Variants in SCIMP observed in about 807,000 individuals in gnomAD.
SCIMP encodes the protein SLP adapter and CSK-interacting membrane protein.
A neutral mutation model predicts 22.0 loss-of-function variants in SCIMP; 18 were observed. The observed-to-expected ratio is 0.82, with a 90% confidence interval of 0.56 to 1.21. The LOEUF is 1.21. Ranked by LOEUF, SCIMP falls within the 50% of genes most tolerant of loss-of-function variation. The pLI, the probability that SCIMP is intolerant of heterozygous loss-of-function variation, is 0.00. For synonymous variants in SCIMP, 53 were observed against 62.2 expected, an observed-to-expected ratio of 0.85 and a Z score of 0.70; for missense variants, 155 against 171.2, an observed-to-expected ratio of 0.91 and a Z score of 0.53.
chr17:5,234,524 C>T (rs867291083), intron 1 of SCIMP: 2 of 599,990 alleles, frequency 3.3e-6, no homozygotes, highest in Non-Finnish European at 6.0e-6. Flanking sequence ...GAAGTGATGC[C>T]TCAGGTCACT....
At chr17:5,234,125 G>T (rs1475636652) in intron 1 of SCIMP, among the ~76,000 whole-genome samples, 2 of 152,058 alleles carry the variant, frequency 1.3e-5, no homozygotes, top group African/African-American at 2.4e-5. Flanking sequence ...ACAGAAATTA[G>T]CCAGGTGTGG....
intron 1 of SCIMP, among the ~76,000 whole-genome samples, chr17:5,231,606 C>T (rs2074694924): frequency 6.6e-6 from 1 of 152,130 alleles, no homozygotes; most frequent in Non-Finnish European, 1.5e-5. Context: ...CGATGTCCTA[C>T]TTTTCCCTCC....
chr17:5,210,783 A>C lies in SCIMP; in HGVS notation c.*18T>G. ...TGTGAACCCTCTTCAGTTTTGCCAA[A>C]AAGAAGAAATGGCTGTTTCAAAATG... On this transcript the variant is annotated 3_prime_UTR_variant, in exon 5 of 5. Coordinates refer to ENST00000574081, the MANE Select transcript of SCIMP (RefSeq NM_207103.3). The C allele has an allele frequency of 6.2e-7, 1 of 1,600,968 alleles. No individual in the cohort carries two copies. Among genetic ancestry groups the C allele is most frequent in the Non-Finnish European group, 8.5e-7 (1 of 1,176,364 alleles).
Position 5,209,196 on chromosome 17 carries a change from A to C in SCIMP, c.*1605T>G, listed in dbSNP as rs1356313177. The C allele has an allele frequency of 6.6e-6, 1 of 152,210 alleles. No individual in the cohort carries two copies. The highest frequency in any genetic ancestry group is 1.9e-4 in the East Asian group (1 of 5,202). 9.4% of individuals were successfully genotyped at this position (152,210 alleles called of 1,614,324 possible). On this transcript the variant is annotated 3_prime_UTR_variant, in exon 5 of 5. Coordinates refer to ENST00000574081, the MANE Select transcript of SCIMP (RefSeq NM_207103.3). ...GTTGTCCAGGCTGGAGTGCAATGGCATGTTCTCGGCTCACCGCAACCTCCG... is the reference window on the plus strand; with the variant it reads ...GTTGTCCAGGCTGGAGTGCAATGGCCTGTTCTCGGCTCACCGCAACCTCCG...
At chr17:5,222,111 A>C (rs943693197) in intron 2 of SCIMP, among the ~76,000 whole-genome samples, 3 of 136,432 alleles carry the variant, frequency 2.2e-5, no homozygotes, top group Non-Finnish European at 4.6e-5. Flanking sequence ...TTTTTTTAAG[A>C]TGGAGTCTCA....
At chr17:5,211,770 T>C (rs1277812768) in intron 4 of SCIMP, among the ~76,000 whole-genome samples, 1 of 152,056 alleles carries the variant, frequency 6.6e-6, no homozygotes, top group Non-Finnish European at 1.5e-5. Flanking sequence ...AACAGGTTCA[T>C]AGGAGGCTGG....
intron 3 of SCIMP, 46 bp from the exon 4 acceptor site, chr17:5,215,044 G>C (rs1327823401): frequency 8.3e-7 from 1 of 1,204,426 alleles, no homozygotes; most frequent in Non-Finnish European, 1.2e-6. Flanking sequence ...TTTGGGCCAT[G>C]CCTGCTCCCA....
At chr17:5,226,243 G>A (rs568864911) in intron 1 of SCIMP, among the ~76,000 whole-genome samples, 11 of 152,092 alleles carry the variant, frequency 7.2e-5, no homozygotes, top group Non-Finnish European at 1.3e-4. Context: ...TTTGCACTAC[G>A]TACATTTACT....
chr17:5,231,336 A>G (rs2074692350), intron 1 of SCIMP, among the ~76,000 whole-genome samples: 1 of 151,082 alleles, frequency 6.6e-6, no homozygotes, highest in Non-Finnish European at 1.5e-5. Flanking sequence ...CTCCAGCCTG[A>G]GTGACGAGAG....
intron 3 of SCIMP, chr17:5,215,293 G>T: frequency 3.4e-6 from 1 of 292,246 alleles, no homozygotes; most frequent in Non-Finnish European, 6.5e-6. Flanking sequence ...GATTCGGAGA[G>T]GTAGGCACCA....
intron 3 of SCIMP, among the ~76,000 whole-genome samples, chr17:5,217,822 T>C (rs1186305689): frequency 6.6e-6 from 1 of 152,020 alleles, no homozygotes; most frequent in African/African-American, 2.4e-5. Flanking sequence ...TTGTTGGACA[T>C]TTAGGTTGGT....
intron 1 of SCIMP, 89 bp from the exon 2 acceptor site, chr17:5,223,545 T>C: frequency 7.7e-7 from 1 of 1,303,702 alleles, no homozygotes; most frequent in Non-Finnish European, 1.1e-6. Flanking sequence ...TGTGGGTTGT[T>C]TTTTTTTTCT....
chr17:5,219,146 C>T (rs550891275), intron 3 of SCIMP, among the ~76,000 whole-genome samples: 7 of 151,738 alleles, frequency 4.6e-5, no homozygotes, highest in Non-Finnish European at 7.4e-5. Context: ...AGCGAAACCC[C>T]GTCTCTACTA....
chr17:5,218,084 G>A (rs941183899), intron 3 of SCIMP, among the ~76,000 whole-genome samples: 3 of 151,816 alleles, frequency 2.0e-5, no homozygotes, highest in Admixed American at 2.0e-4. Context: ...GGAGTTCAGT[G>A]GCACGATCAC....
At chr17:5,231,196 C>T (rs1417672076) in intron 1 of SCIMP, among the ~76,000 whole-genome samples, 1 of 151,942 alleles carries the variant, frequency 6.6e-6, no homozygotes, top group Admixed American at 6.6e-5. Flanking sequence ...CCCGTCTCTA[C>T]TAAAAATACA....
intron 3 of SCIMP, among the ~76,000 whole-genome samples, chr17:5,217,470 G>A (rs1219067747): frequency 6.6e-6 from 1 of 150,780 alleles, no homozygotes; most frequent in Non-Finnish European, 1.5e-5. Flanking sequence ...GTGCAGGTTT[G>A]TTACATGTGT....
At chr17:5,222,362 A>T (rs944999317) in intron 2 of SCIMP, among the ~76,000 whole-genome samples, 5 of 152,298 alleles carry the variant, frequency 3.3e-5, no homozygotes, top group Middle Eastern at 6.8e-3. Context: ...AAGTGCTGGG[A>T]TTACAGGCGT....
At chr17:5,216,740 G>A (rs952703204) in intron 3 of SCIMP, among the ~76,000 whole-genome samples, 2 of 152,162 alleles carry the variant, frequency 1.3e-5, no homozygotes, top group South Asian at 2.1e-4. Context: ...TTGCCTTTGG[G>A]ATGTAATGGT....
chr17:5,222,094 T>TG (rs1239937927), intron 2 of SCIMP, among the ~76,000 whole-genome samples: 2 of 143,282 alleles, frequency 1.4e-5, no homozygotes, highest in African/African-American at 2.6e-5. Flanking sequence ...GAAAACTTGT[T>TG]TTTTTTTTTT....
Sources: gnomAD v4.1 joint callset for allele counts (sites outside exome capture counted in the v4.1 genomes callset) on GRCh38, gnomAD v4.1.1 for gene constraint, MANE v1.5 for transcripts, NCBI Gene and HGNC (gene_info 2026-07-23, HGNC 2026-07-21) for gene names.